The following ST7 variants were observed in gnomAD, a reference collection of about 807,000 sequenced individuals.
The protein encoded by ST7 is suppressor of tumorigenicity 7 protein.
Under a neutral mutation model 78.7 loss-of-function variants are expected in ST7, and 28 were observed. The ratio of observed to expected loss-of-function variants is 0.36; its 90% CI spans 0.26 to 0.49. The LOEUF (loss-of-function observed/expected upper bound fraction) is 0.49, where lower values mean the gene tolerates loss of function less well. Among genes scored for constraint, ST7 ranks in the 20% least tolerant of loss-of-function variants. The probability of loss-of-function intolerance (pLI) is 0.99; values close to 1 mark genes in which losing one functional copy is unlikely to be tolerated. For missense variants in ST7, 418 were observed against 696.0 expected (o/e 0.60, Z 4.49); for synonymous variants, 247 against 249.6 (o/e 0.99, Z 0.10).
intron 1 of ST7, among the ~76,000 whole-genome samples, chr7:117,017,803 T>C (rs545063220): frequency 6.6e-6 from 1 of 152,318 alleles, no homozygotes; most frequent in South Asian, 2.1e-4. Context: ...AAGATGGGTC[T>C]TCAACAATGT....
rs35970973 is a variant in ST7 at position 117,096,067 on chromosome 7, C to CAAAAA, written c.152-3668_152-3664dup. Among the ~76,000 whole-genome samples, 50 of 35,712 alleles carry CAAAAA rather than the reference C, an allele frequency of 1.4e-3. 1 individual carries two copies. Among genetic ancestry groups the CAAAAA allele is most frequent in the Non-Finnish European group, 1.7e-3 (34 of 20,212 alleles). The allele number at this position is 35,712 out of a possible 152,430, so 23.4% of individuals were successfully genotyped here. A position where few individuals can be genotyped will look rare whatever the true frequency, so the allele number is the denominator to read the frequency against. The stretch of plus-strand genomic sequence containing the variant: ...TGGGCAACAGAGCGAGATTCTGCCT[C>CAAAAA]AAAAAAAAAAAAAAAAAAAAAAAAA... On this transcript the variant is annotated intron_variant, in intron 1 of 15. Coordinates refer to ENST00000323984, the MANE Select transcript of ST7 (RefSeq NM_001369598.1).
At chr7:116,996,087 T>G (rs1239236725) in intron 1 of ST7, among the ~76,000 whole-genome samples, 11 of 150,984 alleles carry the variant, frequency 7.3e-5, no homozygotes, top group South Asian at 6.4e-4. Context: ...TCCCCGTTTT[T>G]TTTTTTTTTT....
chr7:117,155,082 T>C (rs752079678), intron 9 of ST7, among the ~76,000 whole-genome samples: 1 of 152,086 alleles, frequency 6.6e-6, no homozygotes, highest in Non-Finnish European at 1.5e-5. Flanking sequence ...CTAAACAGGC[T>C]GTCATGGTAG....
intron 3 of ST7, among the ~76,000 whole-genome samples, chr7:117,122,301 G>C (rs2116961552): frequency 6.6e-6 from 1 of 152,294 alleles, no homozygotes; most frequent in East Asian, 1.9e-4. Context: ...TGGAACCTGG[G>C]CCTTATCTTC....
intron 1 of ST7, among the ~76,000 whole-genome samples, chr7:117,089,395 G>A (rs920175528): frequency 6.6e-6 from 1 of 152,118 alleles, no homozygotes; most frequent in Non-Finnish European, 1.5e-5. Flanking sequence ...GAGGAGAAAA[G>A]GCAGTTTGAA....
chr7:117,199,863 T>G (rs148569701), intron 12 of ST7, among the ~76,000 whole-genome samples: 2 of 152,352 alleles, frequency 1.3e-5, no homozygotes, highest in East Asian at 3.9e-4. Context: ...TGTTAACTCC[T>G]GGAAGCCAGA....
At chr7:117,137,002 G>C (rs1368047590) in intron 8 of ST7, 1 of 152,118 alleles carries the variant, frequency 6.6e-6, no homozygotes, top group Non-Finnish European at 1.5e-5. Flanking sequence ...TGTGGTAAGA[G>C]AGTTAAGTAT....
At chr7:117,110,711 G>A (rs1247188286) in intron 2 of ST7, among the ~76,000 whole-genome samples, 3 of 151,648 alleles carry the variant, frequency 2.0e-5, no homozygotes, top group East Asian at 1.9e-4. Context: ...AATTACCTCC[G>A]TGTGGGTTGT....
chr7:117,222,781 A>C, intron 15 of ST7: 1 of 1,064,868 alleles, frequency 9.4e-7, no homozygotes, highest in East Asian at 2.4e-5. Flanking sequence ...GTTTCCCTGG[A>C]ACTCCATTCA....
intron 1 of ST7, among the ~76,000 whole-genome samples, chr7:117,030,541 C>G (rs376487904): frequency 1.6e-4 from 25 of 152,090 alleles, no homozygotes; most frequent in African/African-American, 6.0e-4. Context: ...TGAACAGACA[C>G]TTTTCAAAAG....
At chr7:116,973,040 ATATT>A (rs1793513645) in intron 1 of ST7, 1 of 667,674 alleles carries the variant, frequency 1.5e-6, no homozygotes. Flanking sequence ...GGATTCATGG[ATATT>A]TATTTTATAC....
chr7:116,974,838 C>A (rs1222359412), intron 1 of ST7, among the ~76,000 whole-genome samples: 1 of 152,138 alleles, frequency 6.6e-6, no homozygotes, highest in East Asian at 1.9e-4. Context: ...TAAGGTGAGG[C>A]AAGTGAGGTT....
At chr7:117,043,622 G>A in intron 1 of ST7, among the ~76,000 whole-genome samples, 1 of 152,096 alleles carries the variant, frequency 6.6e-6, no homozygotes, top group East Asian at 1.9e-4. Context: ...TCATAAATGG[G>A]GTCTAAAGGG....
chr7:117,070,189 C>T (rs1798854041), intron 1 of ST7, among the ~76,000 whole-genome samples: 1 of 152,160 alleles, frequency 6.6e-6, no homozygotes, highest in African/African-American at 2.4e-5. Context: ...TAATTAGCAG[C>T]TTGTTTCAGC....
intron 10 of ST7, among the ~76,000 whole-genome samples, chr7:117,180,858 C>G (rs1467289189): frequency 6.6e-6 from 1 of 152,126 alleles, no homozygotes; most frequent in Non-Finnish European, 1.5e-5. Flanking sequence ...ACTTTGTCAC[C>G]TAGGTTGTTT....
intron 1 of ST7, among the ~76,000 whole-genome samples, chr7:117,062,729 C>T (rs186881194): frequency 2.0e-5 from 3 of 152,222 alleles, no homozygotes; most frequent in East Asian, 3.9e-4. Context: ...GTAGATTCTT[C>T]ATAGGAAAAA....
At chr7:116,958,374 G>T (rs555670031) in intron 1 of ST7, among the ~76,000 whole-genome samples, 3 of 152,144 alleles carry the variant, frequency 2.0e-5, no homozygotes, top group African/African-American at 7.2e-5. Flanking sequence ...ACGTGATATA[G>T]AACTTAGGCT....
chr7:117,181,670 A>G (rs1472212587), intron 10 of ST7, among the ~76,000 whole-genome samples: 2 of 152,206 alleles, frequency 1.3e-5, no homozygotes, highest in Non-Finnish European at 2.9e-5. Flanking sequence ...TATCAAGTCA[A>G]TCCCAAGCAA....
chr7:117,149,609 T>C (rs1362273738), intron 9 of ST7, among the ~76,000 whole-genome samples: 1 of 151,080 alleles, frequency 6.6e-6, no homozygotes, highest in Non-Finnish European at 1.5e-5. Flanking sequence ...TTTTTTTTTT[T>C]TTTTTTGAAG....
Sources: gnomAD v4.1 joint callset for allele counts (sites outside exome capture counted in the v4.1 genomes callset) on GRCh38, gnomAD v4.1.1 for gene constraint, MANE v1.5 for transcripts, NCBI Gene and HGNC (gene_info 2026-07-23, HGNC 2026-07-21) for gene names.